KAZN: variants seen among roughly 807,000 people sequenced by gnomAD.
KAZN encodes the protein kazrin.
KAZN carries 40 observed loss-of-function variants against 87.4 expected under a neutral mutation model. That is an observed-to-expected ratio of 0.46 (90% CI 0.36 to 0.60). The LOEUF is 0.60. KAZN is among the 20% of genes least tolerant of loss of function. The pLI is 0.00. For synonymous variants in KAZN, 466 were observed against 458.3 expected (o/e 1.02, Z -0.22); for missense variants, 898 against 1,073.9 (o/e 0.84, Z 2.29).
At chr1:15,008,726 G>A (rs534309797) in intron 2 of KAZN, among the ~76,000 whole-genome samples, 1 of 152,132 alleles carries the variant, frequency 6.6e-6, no homozygotes, top group Non-Finnish European at 1.5e-5. Flanking sequence ...TCTGTGTAAG[G>A]CACTGTTACT....
At chr1:14,991,215 G>T (rs1016049729) in intron 2 of KAZN, among the ~76,000 whole-genome samples, 1 of 152,022 alleles carries the variant, frequency 6.6e-6, no homozygotes, top group Admixed American at 6.6e-5. Flanking sequence ...TTATCCGGGC[G>T]TGGTGGTGGG....
chr1:14,198,025 A>ACAGT (rs59293304), intron 2 of KAZN, among the ~76,000 whole-genome samples: 144,412 of 152,022 alleles, frequency 0.95, 68,638 homozygotes, highest in East Asian at 1. Flanking sequence ...AATCATAGTA[A>ACAGT]CAGAGTAGTA....
chr1:14,743,145 A>G (rs886541035), intron 1 of KAZN, among the ~76,000 whole-genome samples: 1 of 152,150 alleles, frequency 6.6e-6, no homozygotes, highest in Non-Finnish European at 1.5e-5. Context: ...AGAGGTCCAT[A>G]GTAGGTTCAG....
intron 2 of KAZN, among the ~76,000 whole-genome samples, chr1:14,196,951 G>A (rs1339628894): frequency 6.6e-6 from 1 of 152,046 alleles, no homozygotes; most frequent in East Asian, 2.0e-4. Context: ...TTAAGAAGCT[G>A]AAAATGATCC....
chr1:14,823,377 G>C (rs538176720), intron 1 of KAZN, among the ~76,000 whole-genome samples: 2 of 152,154 alleles, frequency 1.3e-5, no homozygotes, highest in Non-Finnish European at 2.9e-5. Flanking sequence ...AGATACCCCA[G>C]TGTGGTATCT....
At chr1:13,942,341 C>A (rs1640960342) in intron 1 of KAZN, among the ~76,000 whole-genome samples, 1 of 150,438 alleles carries the variant, frequency 6.6e-6, no homozygotes, top group Admixed American at 6.6e-5. Flanking sequence ...GAGATCGAGA[C>A]CATCCTGGCT....
chr1:14,598,889 C>T lies in KAZN; in HGVS notation c.-109C>T. On this transcript the variant is annotated 5_prime_UTR_variant, in exon 1 of 15. Transcript: ENST00000376030. The surrounding 1 kb of genome is among the most constrained non-coding windows in gnomAD (Gnocchi z 4.2). ...CTGGGGGTCGGGGCGCGGGCGAAGC[C>T]GGGCCGCGGAGGACACAACAGGTAG... 3.4e-6 allele frequency: 5 copies of T among 1,484,220 alleles called. No homozygotes were observed. In the South Asian group the frequency reaches 4.2e-5, roughly 12 times the overall value. 91.9% of individuals were successfully genotyped at this position (1,484,220 alleles called of 1,614,324 possible). A position where few individuals can be genotyped will look rare whatever the true frequency, so the allele number is the denominator to read the frequency against.
At chr1:14,797,572 C>T (rs181845577) in intron 1 of KAZN, among the ~76,000 whole-genome samples, 15 of 152,206 alleles carry the variant, frequency 9.9e-5, no homozygotes, top group East Asian at 9.7e-4. Flanking sequence ...AACAATACAT[C>T]GAATCAAGAA....
At chr1:14,948,658 G>A (rs749467685) in intron 1 of KAZN, among the ~76,000 whole-genome samples, 1 of 152,138 alleles carries the variant, frequency 6.6e-6, no homozygotes, top group East Asian at 1.9e-4. Context: ...CCAGTCCAGC[G>A]GGGGCTAATA....
chr1:14,891,020 A>AT (rs1654657344), intron 1 of KAZN, among the ~76,000 whole-genome samples: 1 of 149,132 alleles, frequency 6.7e-6, no homozygotes, highest in Admixed American at 6.7e-5. Context: ...ACTTTTTTGT[A>AT]TTTTTAGTAG....
chr1:14,229,713 T>A (rs2100534508), intron 2 of KAZN, among the ~76,000 whole-genome samples: 1 of 152,364 alleles, frequency 6.6e-6, no homozygotes, highest in Non-Finnish European at 1.5e-5. Flanking sequence ...TGGAGAGGAA[T>A]CCGCACTTGA....
At chr1:14,204,411 G>A (rs1222198871) in intron 2 of KAZN, among the ~76,000 whole-genome samples, 3 of 152,150 alleles carry the variant, frequency 2.0e-5, no homozygotes, top group African/African-American at 7.2e-5. Context: ...AAAGGAGAAT[G>A]GTCCATTTAT....
At chr1:14,196,787 G>C (rs1359102716) in intron 2 of KAZN, among the ~76,000 whole-genome samples, 2 of 151,978 alleles carry the variant, frequency 1.3e-5, no homozygotes, top group Non-Finnish European at 1.5e-5. Flanking sequence ...AATGAGGAGA[G>C]GAGAAGTCCC....
intron 2 of KAZN, among the ~76,000 whole-genome samples, chr1:14,450,168 C>T (rs866119049): frequency 6.6e-5 from 10 of 152,124 alleles, no homozygotes; most frequent in Non-Finnish European, 1.5e-4. Flanking sequence ...CCACACCTGT[C>T]CTTTCTTTTC....
At chr1:14,056,467 T>C (rs181525329) in intron 1 of KAZN, among the ~76,000 whole-genome samples, 236 of 152,322 alleles carry the variant, frequency 1.5e-3, no homozygotes, top group African/African-American at 5.6e-3. Flanking sequence ...CCCCTGGAGC[T>C]TCCAGAAGGG....
chr1:14,100,643 C>G (rs567320414), intron 1 of KAZN, among the ~76,000 whole-genome samples: 37 of 152,312 alleles, frequency 2.4e-4, no homozygotes, highest in African/African-American at 8.4e-4. Flanking sequence ...TTGTTGGGGG[C>G]TGGTCACATA....
intron 1 of KAZN, among the ~76,000 whole-genome samples, chr1:13,899,334 C>T (rs1474697266): frequency 3.9e-5 from 6 of 152,156 alleles, no homozygotes; most frequent in African/African-American, 7.2e-5. Context: ...ACTCGAGGCC[C>T]GTAAAGAGAA....
At chr1:14,558,465 G>A (rs936519998) in intron 2 of KAZN, among the ~76,000 whole-genome samples, 1 of 152,198 alleles carries the variant, frequency 6.6e-6, no homozygotes, top group Non-Finnish European at 1.5e-5. Context: ...GTCCTTGGAT[G>A]AGCCAGCCAT....
intron 2 of KAZN, among the ~76,000 whole-genome samples, chr1:14,414,308 G>A (rs1297324562): frequency 7.1e-6 from 1 of 140,926 alleles, no homozygotes; most frequent in Admixed American, 7.5e-5. Flanking sequence ...AACTGGTAAA[G>A]CCAAAGAGTA....
Sources: allele counts gnomAD v4.1 joint callset (sites outside exome capture counted in the v4.1 genomes callset), GRCh38; gene constraint gnomAD v4.1.1; non-coding constraint Gnocchi (gnomAD v3.1); transcripts MANE v1.5; gene names NCBI Gene and HGNC (gene_info 2026-07-23, HGNC 2026-07-21).